Variants in RBMS3 observed in about 807,000 individuals in gnomAD.
The protein encoded by RBMS3 is RNA binding motif single stranded interacting protein 3.
A neutral mutation model predicts 66.8 loss-of-function variants in RBMS3; 27 were observed. The observed-to-expected ratio is 0.40, with a 90% CI of 0.30 to 0.56. RBMS3 has a LOEUF of 0.56. Among genes scored for constraint, RBMS3 ranks in the 20% least tolerant of loss-of-function variants. The pLI, the probability that RBMS3 is intolerant of heterozygous loss-of-function variation, is 0.40. For missense variants in RBMS3, 513 were observed against 549.5 expected (o/e 0.93, Z 0.66); for synonymous variants, 188 against 183.0 (o/e 1.03, Z -0.22).
At chr3:29,535,710 C>CTTTTTTTTTTTTTTTTTTTTTTTTTT (rs149022808) in intron 3 of RBMS3, among the ~76,000 whole-genome samples, 2 of 39,744 alleles carry the variant, frequency 5.0e-5, no homozygotes, top group African/African-American at 2.0e-4. Context: ...GATCATTGCT[C>CTTTTTTTTTTTTTTTTTTTTTTTTTT]TTTTTTTTTT....
intron 2 of RBMS3, among the ~76,000 whole-genome samples, chr3:29,466,326 T>G (rs1269325046): frequency 1.3e-5 from 2 of 152,148 alleles, no homozygotes; most frequent in African/African-American, 4.8e-5. Flanking sequence ...TTCAGCCTCC[T>G]GTGTTTCACA....
intron 8 of RBMS3, among the ~76,000 whole-genome samples, chr3:29,887,486 G>C (rs532818242): frequency 1.3e-5 from 2 of 151,864 alleles, no homozygotes; most frequent in African/African-American, 4.8e-5. Flanking sequence ...CCTTCCTGCT[G>C]CCTTGTGGAG....
intron 1 of RBMS3, among the ~76,000 whole-genome samples, chr3:29,410,342 A>G (rs1244028936): frequency 6.6e-6 from 1 of 152,170 alleles, no homozygotes. Context: ...ATGAAAGTAT[A>G]CCCTATATAA....
intron 6 of RBMS3, among the ~76,000 whole-genome samples, chr3:29,835,425 T>A (rs2058479867): frequency 6.6e-6 from 1 of 151,990 alleles, no homozygotes; most frequent in Admixed American, 6.6e-5. Context: ...GTAATCATAT[T>A]AAGCATATTT....
chr3:29,741,988 G>C, intron 5 of RBMS3, among the ~76,000 whole-genome samples: 1 of 152,104 alleles, frequency 6.6e-6, no homozygotes. Flanking sequence ...GTCACATTCT[G>C]AGGTATTGGG....
intron 1 of RBMS3, among the ~76,000 whole-genome samples, chr3:29,416,175 CAG>C (rs1185381275): frequency 6.6e-6 from 1 of 151,856 alleles, no homozygotes; most frequent in Non-Finnish European, 1.5e-5. Flanking sequence ...CTTGATATGA[CAG>C]AGAGATAGAA....
chr3:29,612,135 T>G (rs1009697447), intron 4 of RBMS3, among the ~76,000 whole-genome samples: 4 of 152,064 alleles, frequency 2.6e-5, no homozygotes, highest in Non-Finnish European at 5.9e-5. Context: ...ACTGAAGAAG[T>G]ATTCGACCAA....
intron 4 of RBMS3, among the ~76,000 whole-genome samples, chr3:29,601,744 G>A (rs1002776483): frequency 5.3e-5 from 8 of 152,114 alleles, no homozygotes; most frequent in African/African-American, 1.9e-4. Context: ...AATACTGTGA[G>A]GGACAAAATG....
At chr3:29,646,685 T>A (rs1172502080) in intron 4 of RBMS3, among the ~76,000 whole-genome samples, 14 of 151,880 alleles carry the variant, frequency 9.2e-5, no homozygotes, top group South Asian at 4.2e-4. Flanking sequence ...TTTTTTTTCA[T>A]CCTAACTACA....
intron 3 of RBMS3, among the ~76,000 whole-genome samples, chr3:29,548,015 G>T (rs780318805): frequency 1.1e-4 from 16 of 151,718 alleles, no homozygotes; most frequent in Non-Finnish European, 2.2e-4. Flanking sequence ...GGCTGGTCTC[G>T]CACTTCTGAC....
chr3:29,538,011 C>T (rs1269547422), intron 3 of RBMS3, among the ~76,000 whole-genome samples: 1 of 151,872 alleles, frequency 6.6e-6, no homozygotes, highest in African/African-American at 2.4e-5. Context: ...AAACAGGGAG[C>T]AAATAATTTT....
Position 29,586,016 on chromosome 3 carries a change from T to C in RBMS3, c.308-1098T>C, listed in dbSNP as rs1559489463. Among the ~76,000 whole-genome samples the C allele has an allele frequency of 3.9e-5, 6 of 152,128 alleles. No individual in the cohort carries two copies. The South Asian group carries it at 1.2e-3, about 32-fold the overall frequency. ...GCACTCTTCTTTGGTTATTTTGGGG[T>C]GAGAGGAGGTGTCACAGTACACCTC... On this transcript the variant is annotated intron_variant, in intron 3 of 14. Coordinates refer to ENST00000383767, the MANE Select transcript of RBMS3 (RefSeq NM_001003793.3).
chr3:29,370,053 G>A (rs148926337), intron 1 of RBMS3, among the ~76,000 whole-genome samples: 20 of 152,228 alleles, frequency 1.3e-4, no homozygotes, highest in African/African-American at 1.7e-4. Flanking sequence ...TTTTCCTTTC[G>A]TACATTCAGG....
chr3:29,305,760 T>C (rs2033965562), intron 1 of RBMS3, among the ~76,000 whole-genome samples: 2 of 152,034 alleles, frequency 1.3e-5, no homozygotes, highest in African/African-American at 4.8e-5. Context: ...TGTTTCCAGA[T>C]TTCCATTTTA....
intron 1 of RBMS3, among the ~76,000 whole-genome samples, chr3:29,299,876 A>G (rs1345435502): frequency 6.6e-6 from 1 of 151,910 alleles, no homozygotes; most frequent in Non-Finnish European, 1.5e-5. Flanking sequence ...ACCTACTACA[A>G]TGAAACATAA....
At chr3:29,511,215 TGAACCCAG>T (rs1383740415) in intron 3 of RBMS3, among the ~76,000 whole-genome samples, 1 of 152,130 alleles carries the variant, frequency 6.6e-6, no homozygotes, top group African/African-American at 2.4e-5. Flanking sequence ...GAGAATCACT[TGAACCCAG>T]GAGCAGAGGT....
chr3:29,473,137 A>G (rs569797464), intron 2 of RBMS3, among the ~76,000 whole-genome samples: 1 of 151,632 alleles, frequency 6.6e-6, no homozygotes, highest in East Asian at 2.0e-4. Flanking sequence ...TGGTGTATTT[A>G]CAATCCCTTA....
intron 3 of RBMS3, among the ~76,000 whole-genome samples, chr3:29,515,930 T>C (rs1576081206): frequency 1.3e-5 from 2 of 152,224 alleles, no homozygotes; most frequent in Admixed American, 1.3e-4. Flanking sequence ...TAGTAGTTTT[T>C]ATACCTAGGC....
chr3:29,861,599 C>A (rs1306311858), intron 6 of RBMS3, among the ~76,000 whole-genome samples: 1 of 152,196 alleles, frequency 6.6e-6, no homozygotes, highest in Non-Finnish European at 1.5e-5. Flanking sequence ...AGTGACTTAT[C>A]AAACTGCACG....
Sources: gnomAD v4.1 joint callset for allele counts (sites outside exome capture counted in the v4.1 genomes callset) on GRCh38, gnomAD v4.1.1 for gene constraint, MANE v1.5 for transcripts, NCBI Gene and HGNC (gene_info 2026-07-23, HGNC 2026-07-21) for gene names.